Variants in CTNND2 observed in about 807,000 individuals in gnomAD.
CTNND2 encodes catenin delta-2.
A neutral mutation model predicts 144.4 loss-of-function variants in CTNND2; 22 were observed. That is an observed-to-expected ratio of 0.15 (90% CI 0.11 to 0.22). The LOEUF (loss-of-function observed/expected upper bound fraction) is 0.22, where lower values mean the gene tolerates loss of function less well. CTNND2 is among the 10% of genes least tolerant of loss of function. The pLI is 1.00. For missense variants in CTNND2, 1,353 were observed against 1,618.8 expected (o/e 0.84, Z 2.82); for synonymous variants, 751 against 695.6 (o/e 1.08, Z -1.25).
chr5:11,174,580 A>G (rs1028613100), intron 11 of CTNND2, among the ~76,000 whole-genome samples: 1 of 152,172 alleles, frequency 6.6e-6, no homozygotes, highest in Admixed American at 6.5e-5. Context: ...TTTGTAAAAA[A>G]TACTGAGCCG....
chr5:11,095,594 A>G (rs553814252), intron 15 of CTNND2, among the ~76,000 whole-genome samples: 7 of 152,252 alleles, frequency 4.6e-5, no homozygotes, highest in Non-Finnish European at 8.8e-5. Context: ...AGTGGGACAG[A>G]AAGATAAATG....
chr5:11,806,596 T>G (rs1470910086), intron 1 of CTNND2, among the ~76,000 whole-genome samples: 11 of 152,276 alleles, frequency 7.2e-5, no homozygotes, highest in African/African-American at 2.6e-4. Flanking sequence ...AATGTGCAGA[T>G]CTAAAACATA....
chr5:11,702,556 G>C (rs1180529270), intron 2 of CTNND2, among the ~76,000 whole-genome samples: 1 of 152,006 alleles, frequency 6.6e-6, no homozygotes, highest in Non-Finnish European at 1.5e-5. Flanking sequence ...AATTACTACT[G>C]TCCCTCTTAT....
intron 12 of CTNND2, among the ~76,000 whole-genome samples, chr5:11,152,655 C>T (rs1041012841): frequency 3.3e-5 from 5 of 152,150 alleles, no homozygotes; most frequent in African/African-American, 7.2e-5. Flanking sequence ...CCCGAGCCCT[C>T]GTCACTGGTG....
intron 10 of CTNND2, among the ~76,000 whole-genome samples, chr5:11,230,603 A>G (rs1740894117): frequency 6.6e-6 from 1 of 152,166 alleles, no homozygotes; most frequent in Non-Finnish European, 1.5e-5. Context: ...ATCCACCTCC[A>G]TCTCAGATAT....
intron 2 of CTNND2, among the ~76,000 whole-genome samples, chr5:11,577,251 A>G (rs1368594135): frequency 2.6e-5 from 4 of 152,374 alleles, no homozygotes; most frequent in Admixed American, 2.6e-4. Context: ...ACAGATGCTT[A>G]TGTGGAAAGC....
intron 10 of CTNND2, among the ~76,000 whole-genome samples, chr5:11,202,537 C>T (rs26461): frequency 0.19 from 29,607 of 152,020 alleles, 4,706 homozygotes; most frequent in African/African-American, 0.44. Flanking sequence ...AATGTGAGAA[C>T]CCTACTTCTG....
At chr5:11,004,903 T>TA (rs1740326461) in intron 18 of CTNND2, among the ~76,000 whole-genome samples, 1 of 151,914 alleles carries the variant, frequency 6.6e-6, no homozygotes, top group African/African-American at 2.4e-5. Flanking sequence ...AATTAGTAAG[T>TA]AGCTAGCACC....
At chr5:11,829,566 T>G (rs1262136285) in intron 1 of CTNND2, among the ~76,000 whole-genome samples, 1 of 152,188 alleles carries the variant, frequency 6.6e-6, no homozygotes, top group Non-Finnish European at 1.5e-5. Flanking sequence ...AGCCTGCCAG[T>G]GCACACAAGT....
At chr5:11,056,168 T>G (rs1746336250) in intron 16 of CTNND2, among the ~76,000 whole-genome samples, 1 of 152,240 alleles carries the variant, frequency 6.6e-6, no homozygotes. Flanking sequence ...TTTCTGAGAA[T>G]AAATGTTTCA....
At chr5:11,314,792 A>T (rs1434581121) in intron 9 of CTNND2, among the ~76,000 whole-genome samples, 2 of 152,200 alleles carry the variant, frequency 1.3e-5, no homozygotes, top group Non-Finnish European at 2.9e-5. Context: ...ACTACCCCTG[A>T]AGAAATGAAT....
chr5:11,157,025 G>A lies in CTNND2; in HGVS notation c.2159+2551C>T, dbSNP rs188678397. On this transcript the variant is annotated intron_variant, in intron 12 of 21. Transcript: ENST00000304623. ...TCCCATAACTTTGAATTTCCTCTCTGTGTGATAGGGTGGGGATGGTCTGAA... is the reference window on the plus strand; with the variant it reads ...TCCCATAACTTTGAATTTCCTCTCTATGTGATAGGGTGGGGATGGTCTGAA... Among the ~76,000 whole-genome samples the A allele has an allele frequency of 1.3e-4, 20 of 152,248 alleles. No individual in the cohort carries two copies. The East Asian group carries it at 3.9e-3, about 29-fold the overall frequency.
intron 1 of CTNND2, among the ~76,000 whole-genome samples, chr5:11,761,355 C>T (rs1284166471): frequency 6.6e-6 from 1 of 152,058 alleles, no homozygotes; most frequent in African/African-American, 2.4e-5. Flanking sequence ...ATAATTTGCA[C>T]AATTGAGAAA....
intron 16 of CTNND2, among the ~76,000 whole-genome samples, chr5:11,082,172 A>G (rs1749642443): frequency 6.6e-6 from 1 of 152,194 alleles, no homozygotes; most frequent in Non-Finnish European, 1.5e-5. Context: ...GGCCTGGAAC[A>G]AAGCAGGCCA....
intron 14 of CTNND2, among the ~76,000 whole-genome samples, chr5:11,105,727 T>A (rs1013903261): frequency 1.9e-4 from 29 of 152,350 alleles, no homozygotes; most frequent in African/African-American, 6.7e-4. Flanking sequence ...ATATGGTTCA[T>A]CCATGGATAA....
At chr5:11,104,962 G>A (rs560149980) in intron 14 of CTNND2, among the ~76,000 whole-genome samples, 1 of 152,360 alleles carries the variant, frequency 6.6e-6, no homozygotes, top group East Asian at 1.9e-4. Context: ...GGGGCCCGGT[G>A]AGCACACATC....
chr5:11,531,151 G>A (rs957462259), intron 3 of CTNND2, among the ~76,000 whole-genome samples: 2 of 152,180 alleles, frequency 1.3e-5, no homozygotes, highest in Non-Finnish European at 2.9e-5. Flanking sequence ...CAAGGATGGT[G>A]GGTACAAGTG....
intron 11 of CTNND2, among the ~76,000 whole-genome samples, chr5:11,170,735 G>A (rs1005718048): frequency 6.6e-6 from 1 of 152,034 alleles, no homozygotes; most frequent in African/African-American, 2.4e-5. Context: ...CATCAAAATT[G>A]TCTGATACTG....
rs182804219 is a variant in CTNND2, at chr5:11,261,254, G to A, written c.1629-24431C>T. On this transcript the variant is annotated intron_variant, in intron 9 of 21. Coordinates refer to ENST00000304623, the MANE Select transcript of CTNND2 (RefSeq NM_001332.4). The stretch of plus-strand genomic sequence containing the variant: ...GATATTGGGCTGGCCGTTTGTCCCA[G>A]CCTCTCATCGGTCTAGGCCAGATCT... Among the ~76,000 whole-genome samples, 11 of 152,306 alleles carry A rather than the reference G, an allele frequency of 7.2e-5. No homozygotes were observed. In the East Asian group the frequency reaches 2.1e-3, roughly 29 times the overall value.
Sources: gnomAD v4.1 joint callset for allele counts (sites outside exome capture counted in the v4.1 genomes callset) on GRCh38, gnomAD v4.1.1 for gene constraint, MANE v1.5 for transcripts, NCBI Gene and HGNC (gene_info 2026-07-23, HGNC 2026-07-21) for gene names.